The following ZNF107 variants were observed in gnomAD, a reference collection of about 807,000 sequenced individuals.
ZNF107 encodes C2H2 type zinc-finger protein.
Under a neutral mutation model 12.3 loss-of-function variants are expected in ZNF107, and 19 were observed. The observed-to-expected ratio is 1.55, with a 90% CI of 1.08 to 2.27. ZNF107 has a LOEUF of 2.27. Ranked by LOEUF, ZNF107 falls within the 30% of genes most tolerant of loss-of-function variation. The probability of loss-of-function intolerance (pLI) is 0.00; values close to 1 mark genes in which losing one functional copy is unlikely to be tolerated. For synonymous variants in ZNF107, 317 were observed against 330.5 expected (o/e 0.96, Z 0.44); for missense variants, 958 against 979.9 (o/e 0.98, Z 0.30).
In ZNF107 at chr7:64,706,679, T is replaced by C. The variant is rs1790657648; in HGVS notation, c.582T>C (p.Ile194=). 1 of 1,613,062 alleles carries C rather than the reference T, an allele frequency of 6.2e-7. No individual in the cohort carries two copies. The highest frequency in any genetic ancestry group is 8.5e-7 in the Non-Finnish European group (1 of 1,179,658). ...CACAACTAACTCAGCATAGAAGAAT[T>C]CATACTAGAGTGAATTCCTACAAAT... ...VLSQLTQHRR[I]HTRVNSYKCE... The change falls in exon 4 of 4, where the codon ATT becomes ATC. Residue 194 remains isoleucine (I), a synonymous_variant. Coordinates refer to ENST00000620827, the MANE Select transcript of ZNF107 (RefSeq NM_001282359.2).
chr7:64,679,555 C>G (rs573923769), intron 1 of ZNF107, among the ~76,000 whole-genome samples: 2 of 152,094 alleles, frequency 1.3e-5, no homozygotes, highest in Non-Finnish European at 2.9e-5. Flanking sequence ...TTGCTCTCCT[C>G]CTCGTTTCTC....
At chr7:64,677,746 G>T (rs1307804116) in intron 1 of ZNF107, among the ~76,000 whole-genome samples, 1 of 151,188 alleles carries the variant, frequency 6.6e-6, no homozygotes, top group Admixed American at 6.6e-5. Flanking sequence ...CAGCTACTTG[G>T]GAGGCTGAGG....
Position 64,691,905 on chromosome 7 carries a change from G to C in ZNF107, c.171G>C (p.Glu57Asp), listed in dbSNP as rs1465616196. ...AGCCATATCTGATCACCTGTCTGGAGCAAAAAAAAGAGCCCTGGAATATAA... is the reference window on the plus strand; with the variant it reads ...AGCCATATCTGATCACCTGTCTGGACCAAAAAAAAGAGCCCTGGAATATAA... The part of the protein sequence containing the change: ...VSKPYLITCL[E>D]QKKEPWNIKR... The change falls in exon 3 of 4, where the codon GAG becomes GAC. Residue 57 changes from glutamate to aspartate, a missense_variant. Coordinates refer to ENST00000620827, the MANE Select transcript of ZNF107 (RefSeq NM_001282359.2). The C allele has an allele frequency of 6.6e-7, 1 of 1,522,998 alleles. No homozygotes were observed. Among genetic ancestry groups the C allele is most frequent in the Non-Finnish European group, 8.8e-7 (1 of 1,141,554 alleles). 94.3% of individuals were successfully genotyped at this position (1,522,998 alleles called of 1,614,324 possible).
chr7:64,701,057 A>G (rs1321137520), intron 3 of ZNF107, among the ~76,000 whole-genome samples: 1 of 152,148 alleles, frequency 6.6e-6, no homozygotes, highest in Non-Finnish European at 1.5e-5. Flanking sequence ...TGTTATATAT[A>G]CATGTACATA....
rs1194650803 is a variant in ZNF107, at chr7:64,708,270, A to G, written c.2173A>G (p.Ile725Val). 2 of 1,613,750 alleles carry G rather than the reference A, an allele frequency of 1.2e-6. No individual in the cohort carries two copies. Among genetic ancestry groups the G allele is most frequent in the Admixed American group, 1.7e-5 (1 of 59,986 alleles). The change falls in exon 4 of 4, where the codon ATA (isoleucine) becomes GTA (valine). Residue 725 changes from isoleucine (I) to valine (V), a missense_variant. Transcript: ENST00000620827. ...NCSSTLNRHK[I>V]IHTGEKPYKC... ...CTCCTCAACCCTTAATAGACATAAGATAATTCATACTGGAGAGAAACCTTA... is the reference window on the plus strand; with the variant it reads ...CTCCTCAACCCTTAATAGACATAAGGTAATTCATACTGGAGAGAAACCTTA...
At chr7:64,666,324 G>A in intron 1 of ZNF107, 39 bp downstream of exon 1, 1 of 1,605,968 alleles carries the variant, frequency 6.2e-7, no homozygotes, top group Non-Finnish European at 8.5e-7. Flanking sequence ...AGAGGGGGAG[G>A]GGCTGGTTGG....
chr7:64,707,053 G>A lies in ZNF107; in HGVS notation c.956G>A (p.Gly319Glu). The A allele has an allele frequency of 1.9e-6, 3 of 1,611,814 alleles. No individual in the cohort carries two copies. Among genetic ancestry groups the A allele is most frequent in the Non-Finnish European group, 2.5e-6 (3 of 1,179,350 alleles). The change falls in exon 4 of 4, where the codon GGA becomes GAA. Residue 319 changes from glycine to glutamate, a missense_variant. Gly to Glu is a moderately conservative substitution (Grantham distance 98). Transcript: ENST00000620827. Reference protein sequence around the residue: ...GENLYKCKECGKAFNLFSNLT... With the variant: ...GENLYKCKECEKAFNLFSNLT... ...AACCTCTACAAGTGTAAAGAATGTG[G>A]AAAAGCTTTTAACCTATTCTCAAAT...
intron 1 of ZNF107, 95 bp downstream of exon 1, chr7:64,666,380 G>C (rs1468598945): frequency 6.6e-7 from 1 of 1,518,608 alleles, no homozygotes; most frequent in Non-Finnish European, 8.9e-7. Flanking sequence ...TCCAAAGTCC[G>C]CGGCCCCAAG....
chr7:64,683,556 GT>G (rs1789773329), intron 1 of ZNF107, among the ~76,000 whole-genome samples: 1 of 152,282 alleles, frequency 6.6e-6, no homozygotes, highest in Non-Finnish European at 1.5e-5. Flanking sequence ...AAGGCAAGTG[GT>G]TCTTAGATCA....
Position 64,704,889 on chromosome 7 carries a change from A to G in ZNF107, c.227-1435A>G, listed in dbSNP as rs181296850. Among the ~76,000 whole-genome samples the G allele has an allele frequency of 3.5e-3, 535 of 152,298 alleles. 3 individuals carry two copies. Among genetic ancestry groups the G allele is most frequent in the African/African-American group, 9.3e-3 (385 of 41,578 alleles). On this transcript the variant is annotated intron_variant, in intron 3 of 3. Coordinates refer to ENST00000620827, the MANE Select transcript of ZNF107 (RefSeq NM_001282359.2). ...CAGATGGGGTTTCACCATGTTGATCAGGCTGGTCTTGAACTCCTGCCACAA... is the reference window on the plus strand; with the variant it reads ...CAGATGGGGTTTCACCATGTTGATCGGGCTGGTCTTGAACTCCTGCCACAA...
chr7:64,666,900 C>T (rs1789027577), intron 1 of ZNF107, among the ~76,000 whole-genome samples: 1 of 141,254 alleles, frequency 7.1e-6, no homozygotes, highest in South Asian at 2.2e-4. Flanking sequence ...TACGTAGTTT[C>T]TTAGTTTTAG....
intron 3 of ZNF107, among the ~76,000 whole-genome samples, chr7:64,701,286 G>A (rs1488811521): frequency 4.6e-5 from 7 of 150,620 alleles, no homozygotes; most frequent in South Asian, 4.2e-4. Context: ...TATGAGTTTC[G>A]TTTTTTTTTC....
At chr7:64,683,360 C>T (rs1447683573) in intron 1 of ZNF107, among the ~76,000 whole-genome samples, 1 of 152,190 alleles carries the variant, frequency 6.6e-6, no homozygotes, top group Non-Finnish European at 1.5e-5. Flanking sequence ...ATGCCAAAAA[C>T]CAACAGACCC....
chr7:64,680,911 G>A (rs1401154601), intron 1 of ZNF107, among the ~76,000 whole-genome samples: 2 of 152,150 alleles, frequency 1.3e-5, no homozygotes, highest in African/African-American at 2.4e-5. Flanking sequence ...GGATTTCAAG[G>A]CATCCAGACC....
intron 1 of ZNF107, among the ~76,000 whole-genome samples, chr7:64,667,515 A>G (rs58969653): frequency 0.047 from 7,151 of 152,190 alleles, 453 homozygotes; most frequent in African/African-American, 0.14. Context: ...CCCTTTGGAA[A>G]CTTTACAGGG....
intron 3 of ZNF107, among the ~76,000 whole-genome samples, chr7:64,702,707 G>C (rs1790515815): frequency 2.0e-5 from 3 of 151,926 alleles, no homozygotes; most frequent in Admixed American, 1.3e-4. Flanking sequence ...ACAGACATGT[G>C]CCACTATACC....
Position 64,707,116 on chromosome 7 carries a change from C to G in ZNF107, c.1019C>G (p.Pro340Arg). 2 of 1,613,060 alleles carry G rather than the reference C, an allele frequency of 1.2e-6. No homozygotes were observed. Among genetic ancestry groups the G allele is most frequent in the Non-Finnish European group, 1.7e-6 (2 of 1,179,672 alleles). Residue 340 changes from proline to arginine, a missense_variant, in exon 4 of 4, where the codon CCC becomes CGC. Pro to Arg is a moderately radical substitution (Grantham distance 103). Coordinates refer to ENST00000620827, the MANE Select transcript of ZNF107 (RefSeq NM_001282359.2). ...NHKRIHAGEK[P>R]YKCKECGRAF... is the part of the protein sequence containing the mutation. ...AAGAGAATTCATGCTGGGGAGAAAC[C>G]CTACAAATGTAAAGAATGTGGCAGA...
At chr7:64,686,743 G>A in intron 1 of ZNF107, 1 of 865,050 alleles carries the variant, frequency 1.2e-6, no homozygotes, top group Admixed American at 6.2e-5. Flanking sequence ...AACTTCTTGA[G>A]TCAACAAGTC....
intron 1 of ZNF107, chr7:64,679,480 C>A: frequency 1.7e-6 from 1 of 572,038 alleles, no homozygotes; most frequent in Non-Finnish European, 2.2e-6. Flanking sequence ...ACCACAGGGA[C>A]ATGTGCCTTG....
Sources: gnomAD v4.1 joint callset for allele counts (sites outside exome capture counted in the v4.1 genomes callset) on GRCh38, gnomAD v4.1.1 for gene constraint, MANE v1.5 for transcripts, NCBI Gene and HGNC (gene_info 2026-07-23, HGNC 2026-07-21) for gene names.